The following PLAGL1 variants were observed in gnomAD, a reference collection of about 807,000 sequenced individuals.
PLAGL1 encodes the protein zinc finger protein PLAGL1.
In PLAGL1, 1 loss-of-function variant was observed where a neutral mutation model predicts 4.6. The ratio of observed to expected loss-of-function variants is 0.22; its 90% CI spans 0.08 to 1.03. PLAGL1 has a LOEUF of 1.03. Ranked by LOEUF, PLAGL1 falls within the 50% of genes least tolerant of loss-of-function variation. PLAGL1 has a pLI of 0.58. For missense variants in PLAGL1, 464 were observed against 570.4 expected (o/e 0.81, Z 1.90); for synonymous variants, 240 against 237.8 (o/e 1.01, Z -0.08).
intron 1 of PLAGL1, among the ~76,000 whole-genome samples, chr6:144,062,711 C>T (rs1256869195): frequency 6.6e-6 from 1 of 152,090 alleles, no homozygotes; most frequent in East Asian, 1.9e-4. Context: ...ATTAGTCTCC[C>T]CAACTTAACA....
intron 1 of PLAGL1, among the ~76,000 whole-genome samples, chr6:144,031,284 T>G (rs1390513653): frequency 6.6e-6 from 1 of 152,248 alleles, no homozygotes; most frequent in African/African-American, 2.4e-5. Flanking sequence ...GAAAATTTTC[T>G]CCCACTCTGT....
chr6:143,959,060 G>A lies in PLAGL1; in HGVS notation c.-325+1409C>T, dbSNP rs781316481. ...GTGTGGTCCATCCCCCAGCTCATCC[G>A]CAGGCAGCTTTCATGTGCTGCTCTG... On this transcript the variant is annotated intron_variant, in intron 6 of 7. Coordinates refer to ENST00000674357, the MANE Select transcript of PLAGL1 (RefSeq NM_001317162.2). The surrounding 1 kb of genome is among the most constrained non-coding windows in gnomAD (Gnocchi z 5.3). Among the ~76,000 whole-genome samples the A allele has an allele frequency of 2.0e-5, 3 of 152,174 alleles. No homozygotes were observed. Among genetic ancestry groups the A allele is most frequent in the Non-Finnish European group, 4.4e-5 (3 of 68,026 alleles).
rs1787195908 is a variant in PLAGL1 at position 143,978,471 on chromosome 6, A to T, written c.-544+6664T>A. ...TGTTTAATTTCCAAATATTTGGAAA[A>T]TTTCCAGCACTTTTTTCAGTATTAA... On this transcript the variant is annotated intron_variant, in intron 2 of 7. Coordinates refer to ENST00000674357, the MANE Select transcript of PLAGL1 (RefSeq NM_001317162.2). This position sits in a 1 kb window ranked among gnomAD's most constrained non-coding sequence, Gnocchi z 4.6. Among the ~76,000 whole-genome samples the T allele has an allele frequency of 6.6e-6, 1 of 152,050 alleles. No homozygotes were observed. The highest frequency in any genetic ancestry group is 1.5e-5 in the Non-Finnish European group (1 of 68,006).
rs1781806017 is a variant in PLAGL1, at chr6:143,954,967, T to C, written c.-325+5502A>G. The stretch of plus-strand genomic sequence containing the variant: ...TAGCCAGAAAATAAAGACAGGTAAC[T>C]AGTGCCCAGCCAAAGGGAAAGAGAC... On this transcript the variant is annotated intron_variant, in intron 6 of 7. Coordinates refer to ENST00000674357, the MANE Select transcript of PLAGL1 (RefSeq NM_001317162.2). This position sits in a 1 kb window ranked among gnomAD's most constrained non-coding sequence, Gnocchi z 5.1. 6.6e-6 allele frequency among the ~76,000 whole-genome samples: 1 copy of C among 152,180 alleles called. No individual in the cohort carries two copies. The highest frequency in any genetic ancestry group is 6.5e-5 in the Admixed American group (1 of 15,282).
intron 2 of PLAGL1, among the ~76,000 whole-genome samples, chr6:143,980,387 A>C (rs1399247168): frequency 1.0e-5 from 1 of 97,828 alleles, no homozygotes; most frequent in Non-Finnish European, 2.2e-5. Context: ...ACTTTTTTCT[A>C]GTTTTTTTTT....
rs1786352859 is a variant in PLAGL1 at position 143,975,629 on chromosome 6, T to G, written c.-543-6651A>C. Among the ~76,000 whole-genome samples, 1 of 152,204 alleles carries G rather than the reference T, an allele frequency of 6.6e-6. No individual in the cohort carries two copies. Among genetic ancestry groups the G allele is most frequent in the Admixed American group, 6.5e-5 (1 of 15,288 alleles). ...TCAGTCTCTAGATTGCATGATTCCT[T>G]GCATTAAAAGTTTAGCCTTCAAATC... On this transcript the variant is annotated intron_variant, in intron 2 of 7. Coordinates refer to ENST00000674357, the MANE Select transcript of PLAGL1 (RefSeq NM_001317162.2). This position sits in a 1 kb window ranked among gnomAD's most constrained non-coding sequence, Gnocchi z 5.8.
upstream of PLAGL1, among the ~76,000 whole-genome samples, chr6:144,010,738 T>C (rs1795116555): frequency 1.3e-5 from 2 of 152,204 alleles, no homozygotes; most frequent in African/African-American, 2.4e-5. This position sits in a 1 kb window ranked among gnomAD's most constrained non-coding sequence, Gnocchi z 4.1. Flanking sequence ...AACTGCATGG[T>C]ACTGGTACCA....
intron 1 of PLAGL1, among the ~76,000 whole-genome samples, chr6:144,028,606 A>G (rs924426244): frequency 6.6e-6 from 1 of 152,256 alleles, no homozygotes; most frequent in African/African-American, 2.4e-5. Context: ...TGAAATACAT[A>G]AAAGAGTACA....
At position 144,050,073 on chromosome 6, in the gene PLAGL1, G is replaced by C. The variant is rs1798472176; in HGVS notation, c.-151+14395C>G. Among the ~76,000 whole-genome samples the C allele has an allele frequency of 6.6e-6, 1 of 152,130 alleles. No homozygotes were observed. Among genetic ancestry groups the C allele is most frequent in the African/African-American group, 2.4e-5 (1 of 41,412 alleles). Reference sequence around the variant, plus strand: ...TCACAATTTAGAGCCTCGGCTTTTTGAATGAAGTAGGAGAGTAGTTATTTT... The same window carrying C: ...TCACAATTTAGAGCCTCGGCTTTTTCAATGAAGTAGGAGAGTAGTTATTTT... On this transcript the variant is annotated intron_variant, in intron 1 of 3. Transcript: ENST00000437412. The surrounding 1 kb of genome is among the most constrained non-coding windows in gnomAD (Gnocchi z 4.3).
In PLAGL1 at chr6:143,959,811, T is replaced by G. The variant is rs985028221; in HGVS notation, c.-325+658A>C. On this transcript the variant is annotated intron_variant, in intron 6 of 7. Transcript: ENST00000674357. This position sits in a 1 kb window ranked among gnomAD's most constrained non-coding sequence, Gnocchi z 5.3. Reference sequence around the variant, plus strand: ...GAGTGAGTGCCCCAAAGGCATTAGCTTCTATTAATATCATTACTGGTGATG... The same window carrying G: ...GAGTGAGTGCCCCAAAGGCATTAGCGTCTATTAATATCATTACTGGTGATG... Among the ~76,000 whole-genome samples the G allele has an allele frequency of 3.3e-5, 5 of 152,202 alleles. No individual in the cohort carries two copies. The highest frequency in any genetic ancestry group is 1.2e-4 in the African/African-American group (5 of 41,458).
Position 143,960,709 on chromosome 6 carries a change from C to T in PLAGL1, c.-398-167G>A, listed in dbSNP as rs1047410941. 1.2e-4 allele frequency: 18 copies of T among 152,158 alleles called. No individual in the cohort carries two copies. The highest frequency in any genetic ancestry group is 4.3e-4 in the African/African-American group (18 of 41,440). The allele number at this position is 152,158 out of a possible 1,614,324, so 9.4% of individuals were successfully genotyped here. ...TTTTAATAGATGATCTTTAAACACTCATATCCTTTGTCCTACTTGCAACTG... is the reference window on the plus strand; with the variant it reads ...TTTTAATAGATGATCTTTAAACACTTATATCCTTTGTCCTACTTGCAACTG... On this transcript the variant is annotated intron_variant, in intron 5 of 7. Transcript: ENST00000674357. The surrounding 1 kb of genome is among the most constrained non-coding windows in gnomAD (Gnocchi z 5.7).
Position 144,027,012 on chromosome 6 carries a change from G to C in PLAGL1, c.-151+37456C>G, listed in dbSNP as rs1456168234. On this transcript the variant is annotated intron_variant, in intron 1 of 3. Transcript: ENST00000437412. This position sits in a 1 kb window ranked among gnomAD's most constrained non-coding sequence, Gnocchi z 5.8. ...GGATCACTTGAGTCCAGGAGTTCAA[G>C]ACCAGTGTGGGTAAAAAAGTAAGAC... Among the ~76,000 whole-genome samples, 1 of 151,920 alleles carries C rather than the reference G, an allele frequency of 6.6e-6. No individual in the cohort carries two copies. The highest frequency in any genetic ancestry group is 2.4e-5 in the African/African-American group (1 of 41,332).
chr6:144,041,490 T>C (rs1363468964), intron 1 of PLAGL1, among the ~76,000 whole-genome samples: 2 of 152,202 alleles, frequency 1.3e-5, no homozygotes, highest in Non-Finnish European at 2.9e-5. Context: ...GCTTCACCCA[T>C]GTCCCTAAAA....
In PLAGL1 at chr6:143,997,238, G is replaced by A. The variant is rs1014659219; in HGVS notation, c.-584+10852C>T. Among the ~76,000 whole-genome samples, 2 of 152,162 alleles carry A rather than the reference G, an allele frequency of 1.3e-5. No homozygotes were observed. Among genetic ancestry groups the A allele is most frequent in the African/African-American group, 4.8e-5 (2 of 41,438 alleles). On this transcript the variant is annotated intron_variant, in intron 1 of 7. Transcript: ENST00000674357. This position sits in a 1 kb window ranked among gnomAD's most constrained non-coding sequence, Gnocchi z 4.6. ...AGTGTACACATATGCATTCAGTTTT[G>A]TAAACTGTTTGGCTCCCCTATGGCC...
intron 1 of PLAGL1, among the ~76,000 whole-genome samples, chr6:144,025,526 ACT>A (rs1380636835): frequency 6.6e-6 from 1 of 151,884 alleles, no homozygotes; most frequent in African/African-American, 2.4e-5. Flanking sequence ...GTATCTAGAA[ACT>A]CTCTGTACTG....
intron 1 of PLAGL1, among the ~76,000 whole-genome samples, chr6:144,026,165 G>A (rs1583765725): frequency 1.3e-5 from 2 of 152,082 alleles, no homozygotes; most frequent in East Asian, 3.9e-4. Context: ...AAAAGATTAG[G>A]TTGTTTCGTG....
In PLAGL1 at chr6:143,963,272, C is replaced by A. The variant is rs983020922; in HGVS notation, c.-399+1515G>T. Among the ~76,000 whole-genome samples, 3 of 152,196 alleles carry A rather than the reference C, an allele frequency of 2.0e-5. No individual in the cohort carries two copies. The highest frequency in any genetic ancestry group is 4.8e-5 in the African/African-American group (2 of 41,428). On this transcript the variant is annotated intron_variant, in intron 5 of 7. Coordinates refer to ENST00000674357, the MANE Select transcript of PLAGL1 (RefSeq NM_001317162.2). This position sits in a 1 kb window ranked among gnomAD's most constrained non-coding sequence, Gnocchi z 6.1. ...AGCCTCCCAAATCTCTATCTTCAAT[C>A]CTGAACTTTCTTTCAAATTCCAGAC... is the stretch of plus-strand genomic sequence containing the variant.
In PLAGL1 at chr6:143,973,735, T is replaced by C. The variant is rs1391794960; in HGVS notation, c.-543-4757A>G. Among the ~76,000 whole-genome samples, 2 of 152,194 alleles carry C rather than the reference T, an allele frequency of 1.3e-5. No homozygotes were observed. The highest frequency in any genetic ancestry group is 2.9e-5 in the Non-Finnish European group (2 of 68,026). The stretch of plus-strand genomic sequence containing the variant: ...CGCAGCCTCTATTAGTTCACTGCTG[T>C]GCTAAAGCCAGTCGGCTACACCCAA... On this transcript the variant is annotated intron_variant, in intron 2 of 7. Coordinates refer to ENST00000674357, the MANE Select transcript of PLAGL1 (RefSeq NM_001317162.2). The surrounding 1 kb of genome is among the most constrained non-coding windows in gnomAD (Gnocchi z 6.2).
At chr6:143,946,959 G>T (rs140171885) in intron 7 of PLAGL1, among the ~76,000 whole-genome samples, 149 of 152,254 alleles carry the variant, frequency 9.8e-4, no homozygotes, top group African/African-American at 3.5e-3. Context: ...GCATGTACAT[G>T]GAGTCTTTCC....
Sources: allele counts gnomAD v4.1 joint callset (sites outside exome capture counted in the v4.1 genomes callset), GRCh38; gene constraint gnomAD v4.1.1; non-coding constraint Gnocchi (gnomAD v3.1); transcripts MANE v1.5; gene names NCBI Gene and HGNC (gene_info 2026-07-23, HGNC 2026-07-21).